The following KCNH8 variants were observed in gnomAD, a reference collection of about 807,000 sequenced individuals.
KCNH8 encodes the protein potassium voltage-gated channel subfamily H member 8, also known as voltage-gated delayed rectifier potassium channel KCNH8.
In KCNH8, 70 loss-of-function variants were observed where a neutral mutation model predicts 103.6. The observed-to-expected ratio is 0.68, with a 90% CI of 0.56 to 0.82. The LOEUF is 0.82. Ranked by LOEUF, KCNH8 falls within the 40% of genes least tolerant of loss-of-function variation. KCNH8 has a pLI of 0.00. For synonymous variants in KCNH8, 498 were observed against 489.4 expected, an observed-to-expected ratio of 1.02 and a Z score of -0.23; for missense variants, 1,217 against 1,329.9, an observed-to-expected ratio of 0.92 and a Z score of 1.32.
intron 5 of KCNH8, among the ~76,000 whole-genome samples, chr3:19,383,247 C>G (rs561218394): frequency 6.6e-6 from 1 of 152,146 alleles, no homozygotes; most frequent in Admixed American, 6.5e-5. Context: ...ATGCAAAGAG[C>G]TATGTAATTA....
rs1338350461 is a variant in KCNH8, at chr3:19,226,123, A to G, written c.77-27531A>G. 3.9e-5 allele frequency among the ~76,000 whole-genome samples: 6 copies of G among 152,230 alleles called. 1 individual carries two copies. The South Asian group carries it at 8.3e-4, about 21-fold the overall frequency. ...ATAAATATTGAATGCTTGTCTTGTA[A>G]GGCATAATTTGAAAAATATTAAGGC... On this transcript the variant is annotated intron_variant, in intron 1 of 15. Coordinates refer to ENST00000328405, the MANE Select transcript of KCNH8 (RefSeq NM_144633.3).
intron 1 of KCNH8, among the ~76,000 whole-genome samples, chr3:19,225,819 A>G (rs936793470): frequency 3.9e-5 from 6 of 152,218 alleles, no homozygotes; most frequent in African/African-American, 1.4e-4. Flanking sequence ...TGGACCTAAA[A>G]TTCACAAAAA....
chr3:19,279,278 A>G lies in KCNH8; in HGVS notation c.311-1920A>G, dbSNP rs564374934. 2.8e-4 allele frequency among the ~76,000 whole-genome samples: 43 copies of G among 152,278 alleles called. 1 individual carries two copies. The South Asian group carries it at 5.0e-3, about 18-fold the overall frequency. Reference sequence around the variant, plus strand: ...AGGATAGCAGTGTTTGGCTATGGGTATGGCTCATTTATGAGGCTTCTCCAT... The same window carrying G: ...AGGATAGCAGTGTTTGGCTATGGGTGTGGCTCATTTATGAGGCTTCTCCAT... On this transcript the variant is annotated intron_variant, in intron 2 of 15. Coordinates refer to ENST00000328405, the MANE Select transcript of KCNH8 (RefSeq NM_144633.3).
At chr3:19,530,596 G>C (rs2069143632) in intron 15 of KCNH8, among the ~76,000 whole-genome samples, 1 of 152,080 alleles carries the variant, frequency 6.6e-6, no homozygotes, top group African/African-American at 2.4e-5. Flanking sequence ...CATATAGTTT[G>C]CTATGAAGAT....
intron 3 of KCNH8, among the ~76,000 whole-genome samples, chr3:19,307,591 T>C: frequency 6.6e-6 from 1 of 152,006 alleles, no homozygotes; most frequent in East Asian, 1.9e-4. Context: ...TCTGCACCCC[T>C]GTGTTTATTG....
chr3:19,507,773 C>G (rs1456400296), intron 11 of KCNH8, among the ~76,000 whole-genome samples: 2 of 152,118 alleles, frequency 1.3e-5, no homozygotes. Context: ...TGCACCAGTC[C>G]CTTGTCACCA....
intron 3 of KCNH8, among the ~76,000 whole-genome samples, chr3:19,324,978 G>T (rs2065402074): frequency 6.6e-6 from 1 of 152,096 alleles, no homozygotes; most frequent in Non-Finnish European, 1.5e-5. Context: ...TGGTACTGAT[G>T]TAAGAACAGA....
intron 5 of KCNH8, among the ~76,000 whole-genome samples, chr3:19,388,610 CTAGA>C (rs1474099564): frequency 2.0e-5 from 3 of 152,026 alleles, no homozygotes; most frequent in Non-Finnish European, 4.4e-5. Context: ...ATAAAATTAC[CTAGA>C]TATTTTTATT....
chr3:19,330,233 A>G (rs1022084479), intron 3 of KCNH8, among the ~76,000 whole-genome samples: 2 of 152,142 alleles, frequency 1.3e-5, no homozygotes, highest in Non-Finnish European at 2.9e-5. Flanking sequence ...TATGTTTTCT[A>G]GGCTCAGACC....
At chr3:19,395,420 T>C (rs1004148967) in intron 7 of KCNH8, 109 bp downstream of exon 7, 3 of 651,390 alleles carry the variant, frequency 4.6e-6, no homozygotes, top group Non-Finnish European at 7.6e-6. Flanking sequence ...ATTCTTACTA[T>C]CAATTTGTCT....
intron 3 of KCNH8, among the ~76,000 whole-genome samples, chr3:19,303,435 G>C (rs1324230394): frequency 6.6e-6 from 1 of 152,174 alleles, no homozygotes; most frequent in Non-Finnish European, 1.5e-5. Flanking sequence ...GCAGTGGAAA[G>C]AGCTAACAAG....
At chr3:19,384,668 G>A (rs998319274) in intron 5 of KCNH8, among the ~76,000 whole-genome samples, 1 of 152,086 alleles carries the variant, frequency 6.6e-6, no homozygotes, top group Non-Finnish European at 1.5e-5. Context: ...ATAACATCAA[G>A]TGTTAGCAAG....
chr3:19,395,897 G>A (rs2066509189), intron 7 of KCNH8, among the ~76,000 whole-genome samples: 1 of 151,924 alleles, frequency 6.6e-6, no homozygotes, highest in Non-Finnish European at 1.5e-5. Context: ...ATAATACATA[G>A]GAGTTTAAGG....
intron 3 of KCNH8, among the ~76,000 whole-genome samples, chr3:19,319,971 G>A (rs748827333): frequency 6.6e-6 from 1 of 151,782 alleles, no homozygotes; most frequent in Non-Finnish European, 1.5e-5. Flanking sequence ...CTGGTCACAA[G>A]TTTATAGCAG....
intron 4 of KCNH8, 96 bp downstream of exon 4, chr3:19,342,810 T>C (rs1025235509): frequency 2.4e-6 from 3 of 1,247,068 alleles, no homozygotes; most frequent in South Asian, 1.5e-5. Flanking sequence ...ATTTATTGGC[T>C]TGCCTAGATT....
chr3:19,391,677 T>C (rs2066439973), intron 6 of KCNH8: 1 of 152,016 alleles, frequency 6.6e-6, no homozygotes, highest in Non-Finnish European at 1.5e-5. Flanking sequence ...CTTTTTATTC[T>C]TTTTCTTTTT....
intron 2 of KCNH8, among the ~76,000 whole-genome samples, chr3:19,274,516 T>C (rs2064635117): frequency 6.6e-6 from 1 of 152,164 alleles, no homozygotes; most frequent in Non-Finnish European, 1.5e-5. Flanking sequence ...TTATCTGTGT[T>C]TACCATGGGA....
At position 19,491,369 on chromosome 3, in the gene KCNH8, A is replaced by T. The variant is rs868686426; in HGVS notation, c.2041-18994A>T. ...GCAGTCCCCAGTGTTTATTATTCCTATGTTTATGTACATGTGTACTCATTG... is the reference window on the plus strand; with the variant it reads ...GCAGTCCCCAGTGTTTATTATTCCTTTGTTTATGTACATGTGTACTCATTG... On this transcript the variant is annotated intron_variant, in intron 11 of 15. Coordinates refer to ENST00000328405, the MANE Select transcript of KCNH8 (RefSeq NM_144633.3). 2.6e-5 allele frequency among the ~76,000 whole-genome samples: 4 copies of T among 151,972 alleles called. 1 individual carries two copies. The highest frequency in any genetic ancestry group is 7.3e-5 in the African/African-American group (3 of 41,356).
chr3:19,206,168 G>GTGTGTGTGTGTGTGTGTATATA lies in KCNH8; in HGVS notation c.77-47485_77-47484insGTGTGTGTGTGTGTGTATATAT, dbSNP rs979868166. On this transcript the variant is annotated intron_variant, in intron 1 of 15. Coordinates refer to ENST00000328405, the MANE Select transcript of KCNH8 (RefSeq NM_144633.3). ...GTATATATATATTAATGGTGTGTGTGTATATATATATATATATCACAGTTA... is the reference window on the plus strand; with the variant it reads ...GTATATATATATTAATGGTGTGTGTGTGTGTGTGTGTGTGTGTATATATATATATATATATATATCACAGTTA... Among the ~76,000 whole-genome samples, 881 of 139,148 alleles carry GTGTGTGTGTGTGTGTGTATATA rather than the reference G, an allele frequency of 6.3e-3. 16 individuals are homozygous for GTGTGTGTGTGTGTGTGTATATA. Among genetic ancestry groups the GTGTGTGTGTGTGTGTGTATATA allele is most frequent in the African/African-American group, 0.023 (799 of 34,754 alleles). 91.3% of individuals were successfully genotyped at this position (139,148 alleles called of 152,430 possible). A position where few individuals can be genotyped will look rare whatever the true frequency, so the allele number is the denominator to read the frequency against.
Sources: gnomAD v4.1 joint callset for allele counts (sites outside exome capture counted in the v4.1 genomes callset) on GRCh38, gnomAD v4.1.1 for gene constraint, MANE v1.5 for transcripts, NCBI Gene and HGNC (gene_info 2026-07-23, HGNC 2026-07-21) for gene names.